Variants in ERC2 observed in about 807,000 individuals in gnomAD.
ERC2 encodes ELKS/RAB6-interacting/CAST family member 2, also known as ERC protein 2.
In ERC2, 42 loss-of-function variants were observed where a neutral mutation model predicts 114.8. The observed-to-expected ratio is 0.37, with a 90% CI of 0.29 to 0.47. ERC2 has a LOEUF of 0.47. Ranked by LOEUF, ERC2 falls within the 20% of genes least tolerant of loss-of-function variation. ERC2 has a pLI of 0.99. For synonymous variants in ERC2, 454 were observed against 425.5 expected (o/e 1.07, Z -0.82); for missense variants, 939 against 1,150.7 (o/e 0.82, Z 2.66).
rs2058568525 is a variant in ERC2 at position 55,604,733 on chromosome 3, T to C, written c.*39+79061A>G. Among the ~76,000 whole-genome samples the C allele has an allele frequency of 2.0e-5, 3 of 152,338 alleles. No individual in the cohort carries two copies. The South Asian group carries it at 6.2e-4, about 32-fold the overall frequency. On this transcript the variant is annotated intron_variant, in intron 17 of 17. Coordinates refer to ENST00000288221, the MANE Select transcript of ERC2 (RefSeq NM_015576.3). ...TGATGTAATCTACATTTTGTAAAGA[T>C]CACTCTGCCAACTTGCCTGATGAAT...
chr3:56,408,396 C>T (rs1034705250), intron 2 of ERC2, among the ~76,000 whole-genome samples: 3 of 152,092 alleles, frequency 2.0e-5, no homozygotes, highest in Non-Finnish European at 2.9e-5. Context: ...GATTTGAACC[C>T]AAGCAATCTG....
chr3:55,659,947 C>G (rs1012152954), intron 17 of ERC2, among the ~76,000 whole-genome samples: 1 of 152,056 alleles, frequency 6.6e-6, no homozygotes, highest in Non-Finnish European at 1.5e-5. Context: ...GCCTCCTCCA[C>G]TACAGCACTT....
At chr3:55,598,676 A>G (rs549143323) in intron 17 of ERC2, among the ~76,000 whole-genome samples, 1 of 152,348 alleles carries the variant, frequency 6.6e-6, no homozygotes, top group South Asian at 2.1e-4. Flanking sequence ...TTTGAATCTG[A>G]TTAAATCCAT....
At chr3:55,939,608 G>A (rs1389646923) in intron 13 of ERC2, among the ~76,000 whole-genome samples, 1 of 152,186 alleles carries the variant, frequency 6.6e-6, no homozygotes, top group African/African-American at 2.4e-5. Flanking sequence ...TGATAAACAT[G>A]TTTTGTGAAA....
chr3:55,568,291 G>C (rs935112168), intron 17 of ERC2, among the ~76,000 whole-genome samples: 4 of 152,146 alleles, frequency 2.6e-5, no homozygotes, highest in African/African-American at 7.2e-5. Flanking sequence ...TCATTGCCCT[G>C]GTTCAACTTG....
intron 2 of ERC2, among the ~76,000 whole-genome samples, chr3:56,403,228 C>G (rs888440829): frequency 6.6e-6 from 1 of 152,218 alleles, no homozygotes; most frequent in Non-Finnish European, 1.5e-5. Context: ...CAGTACCAAA[C>G]AGCTATAACT....
At chr3:56,260,870 G>A (rs2052873413) in intron 3 of ERC2, among the ~76,000 whole-genome samples, 1 of 152,174 alleles carries the variant, frequency 6.6e-6, no homozygotes, top group African/African-American at 2.4e-5. Flanking sequence ...CAACCCTTTA[G>A]TGGCATGGTC....
intron 14 of ERC2, among the ~76,000 whole-genome samples, chr3:55,882,286 G>T (rs1234282461): frequency 6.6e-6 from 1 of 152,192 alleles, no homozygotes; most frequent in East Asian, 1.9e-4. Context: ...GTAAGTGGAA[G>T]CAGCCTGAGG....
At chr3:55,940,703 T>G (rs2066731428) in intron 13 of ERC2, among the ~76,000 whole-genome samples, 1 of 152,128 alleles carries the variant, frequency 6.6e-6, no homozygotes, top group African/African-American at 2.4e-5. Context: ...CACAAAAAAG[T>G]CCTCAAAAAA....
At chr3:56,432,220 A>G (rs1049155999) in intron 2 of ERC2, among the ~76,000 whole-genome samples, 4 of 152,258 alleles carry the variant, frequency 2.6e-5, no homozygotes, top group South Asian at 2.1e-4. Context: ...ATAAATAAAT[A>G]TACATGTATA....
chr3:56,405,072 T>G (rs61177357), intron 2 of ERC2, among the ~76,000 whole-genome samples: 16 of 151,938 alleles, frequency 1.1e-4, no homozygotes, highest in African/African-American at 3.6e-4. Context: ...TTGGCCAAAG[T>G]AAAGGATGTG....
At chr3:56,247,825 C>T (rs2051822139) in intron 3 of ERC2, among the ~76,000 whole-genome samples, 1 of 152,222 alleles carries the variant, frequency 6.6e-6, no homozygotes, top group Non-Finnish European at 1.5e-5. Context: ...TGACCTTCAG[C>T]AAGTTATTTC....
chr3:56,249,758 G>C (rs948459206), intron 3 of ERC2, among the ~76,000 whole-genome samples: 2 of 151,810 alleles, frequency 1.3e-5, no homozygotes, highest in Admixed American at 6.6e-5. Context: ...CACAATGCCT[G>C]CAACAGTAAG....
At chr3:55,641,012 C>T (rs751295242) in intron 17 of ERC2, among the ~76,000 whole-genome samples, 1 of 152,116 alleles carries the variant, frequency 6.6e-6, no homozygotes, top group African/African-American at 2.4e-5. Flanking sequence ...GACAATCCAT[C>T]GGAGGGGAGA....
intron 17 of ERC2, among the ~76,000 whole-genome samples, chr3:55,559,982 G>A (rs554125715): frequency 5.9e-5 from 9 of 152,166 alleles, no homozygotes; most frequent in South Asian, 4.1e-4. Context: ...AGCAAGGTGG[G>A]AGCAAGGAGC....
chr3:55,544,353 A>T (rs1364444307), intron 17 of ERC2, among the ~76,000 whole-genome samples: 1 of 152,104 alleles, frequency 6.6e-6, no homozygotes, highest in Admixed American at 6.5e-5. Context: ...GGCCTCAACG[A>T]CAGCATTTTA....
intron 17 of ERC2, among the ~76,000 whole-genome samples, chr3:55,589,466 G>T (rs1474539247): frequency 6.6e-6 from 1 of 152,122 alleles, no homozygotes; most frequent in Non-Finnish European, 1.5e-5. Flanking sequence ...GTTGCCTGCT[G>T]GAGCTGTGCA....
chr3:55,558,646 T>C (rs146044235), intron 17 of ERC2, among the ~76,000 whole-genome samples: 1 of 152,358 alleles, frequency 6.6e-6, no homozygotes, highest in Admixed American at 6.5e-5. Flanking sequence ...TCCCTAACAG[T>C]TACAGAGAGG....
At chr3:55,750,250 T>C (rs566033864) in intron 14 of ERC2, among the ~76,000 whole-genome samples, 20 of 152,244 alleles carry the variant, frequency 1.3e-4, no homozygotes, top group African/African-American at 3.9e-4. Context: ...GGATAAGAAA[T>C]TGTTAATAAT....
Sources: gnomAD v4.1 joint callset for allele counts (sites outside exome capture counted in the v4.1 genomes callset) on GRCh38, gnomAD v4.1.1 for gene constraint, MANE v1.5 for transcripts, NCBI Gene and HGNC (gene_info 2026-07-23, HGNC 2026-07-21) for gene names.